The following NOS1AP variants were observed in gnomAD, a reference collection of about 807,000 sequenced individuals.
The protein encoded by NOS1AP is nitric oxide synthase 1 adaptor protein.
A neutral mutation model predicts 56.2 loss-of-function variants in NOS1AP; 21 were observed. That is an observed-to-expected ratio of 0.37 (90% CI 0.26 to 0.54). The LOEUF is 0.54. Among genes scored for constraint, NOS1AP ranks in the 20% least tolerant of loss-of-function variants. The probability of loss-of-function intolerance (pLI) is 0.84; values close to 1 mark genes in which losing one functional copy is unlikely to be tolerated. For missense variants in NOS1AP, 522 were observed against 657.8 expected, an observed-to-expected ratio of 0.79 and a Z score of 2.26; for synonymous variants, 270 against 274.6, an observed-to-expected ratio of 0.98 and a Z score of 0.17.
intron 8 of NOS1AP, among the ~76,000 whole-genome samples, chr1:162,358,409 C>G (rs1021259520): frequency 9.2e-5 from 14 of 152,142 alleles, no homozygotes; most frequent in African/African-American, 3.4e-4. Context: ...AGAGTAGAGT[C>G]AATGGGACAC....
At chr1:162,255,756 G>A (rs927020388) in intron 2 of NOS1AP, among the ~76,000 whole-genome samples, 16 of 152,106 alleles carry the variant, frequency 1.1e-4, no homozygotes, top group African/African-American at 3.9e-4. Flanking sequence ...GAGAAACGTT[G>A]GTGAGGGCAG....
chr1:162,151,358 ACATGTTCTGTAGCATGTACATGTG>A (rs916606673), intron 1 of NOS1AP, among the ~76,000 whole-genome samples: 2 of 152,262 alleles, frequency 1.3e-5, no homozygotes, highest in Admixed American at 6.5e-5. Context: ...TGTTTTGGTT[ACATGTTCTGTAGCATGTACATGTG>A]CATGTTCTGT....
At chr1:162,261,081 A>G (rs924417002) in intron 2 of NOS1AP, among the ~76,000 whole-genome samples, 1 of 139,026 alleles carries the variant, frequency 7.2e-6, no homozygotes, top group Non-Finnish European at 1.5e-5. Context: ...AATTTGTTAT[A>G]CTCCCAAAGT....
chr1:162,209,558 G>A (rs1251973424), intron 2 of NOS1AP, among the ~76,000 whole-genome samples: 1 of 152,176 alleles, frequency 6.6e-6, no homozygotes, highest in African/African-American at 2.4e-5. Flanking sequence ...GGTTTCATCT[G>A]TGAAGGAAGA....
intron 2 of NOS1AP, among the ~76,000 whole-genome samples, chr1:162,253,137 T>C (rs1653921447): frequency 6.6e-6 from 1 of 152,218 alleles, no homozygotes; most frequent in Admixed American, 6.6e-5. Flanking sequence ...AATGTCATTA[T>C]GGAGGGAGTG....
intron 4 of NOS1AP, among the ~76,000 whole-genome samples, chr1:162,320,769 G>A (rs977969719): frequency 1.3e-5 from 2 of 152,052 alleles, no homozygotes; most frequent in Non-Finnish European, 1.5e-5. Flanking sequence ...CAGGAGAATC[G>A]CTTGAACCAG....
At chr1:162,144,461 T>C (rs1254544405) in intron 1 of NOS1AP, among the ~76,000 whole-genome samples, 3 of 152,252 alleles carry the variant, frequency 2.0e-5, no homozygotes, top group Non-Finnish European at 4.4e-5. Context: ...GGTTTTCTGG[T>C]GTTCTTTGTT....
intron 4 of NOS1AP, among the ~76,000 whole-genome samples, chr1:162,300,996 A>G (rs568657079): frequency 4.6e-5 from 7 of 152,298 alleles, no homozygotes; most frequent in South Asian, 2.1e-4. Flanking sequence ...TGTTGTCCCA[A>G]TTGAAATTCT....
chr1:162,290,433 A>T (rs1655251384), intron 3 of NOS1AP, among the ~76,000 whole-genome samples: 1 of 152,258 alleles, frequency 6.6e-6, no homozygotes, highest in African/African-American at 2.4e-5. Context: ...CTACCACCAC[A>T]CTCAGACACA....
chr1:162,202,631 G>C (rs568063265), intron 2 of NOS1AP, among the ~76,000 whole-genome samples: 2 of 152,014 alleles, frequency 1.3e-5, no homozygotes, highest in African/African-American at 4.8e-5. Context: ...AAATTTTTGC[G>C]TGTGTTTCAG....
intron 6 of NOS1AP, among the ~76,000 whole-genome samples, chr1:162,354,071 T>G (rs75363819): frequency 0.02 from 2,977 of 152,352 alleles, 94 homozygotes; most frequent in African/African-American, 0.068. Flanking sequence ...ATGCCAGGCT[T>G]GTTTCCCTTG....
rs1412833148 is a variant in NOS1AP at position 162,369,235 on chromosome 1, A to C, written c.*1768A>C. On this transcript the variant is annotated 3_prime_UTR_variant, in exon 10 of 10. Coordinates refer to ENST00000361897, the MANE Select transcript of NOS1AP (RefSeq NM_014697.3). ...TGTTTTCTAACATGCATTTAGTTGG[A>C]GAGGCATGGTTCTGTTTGTTTTGTT... is the stretch of plus-strand genomic sequence containing the variant. 6.6e-6 allele frequency: 1 copy of C among 152,230 alleles called. No individual in the cohort carries two copies. The highest frequency in any genetic ancestry group is 1.5e-5 in the Non-Finnish European group (1 of 68,052). 9.4% of individuals were successfully genotyped at this position (152,230 alleles called of 1,614,324 possible).
chr1:162,108,676 G>T (rs1647600480), intron 1 of NOS1AP, among the ~76,000 whole-genome samples: 1 of 151,912 alleles, frequency 6.6e-6, no homozygotes, highest in African/African-American at 2.4e-5. Context: ...TTGCCAAAAA[G>T]ATTGCCTAAT....
At chr1:162,251,255 C>T (rs1571161498) in intron 2 of NOS1AP, among the ~76,000 whole-genome samples, 3 of 152,146 alleles carry the variant, frequency 2.0e-5, no homozygotes, top group Admixed American at 2.0e-4. Flanking sequence ...ATCCTGCTCT[C>T]CCACTAGGCC....
intron 3 of NOS1AP, among the ~76,000 whole-genome samples, chr1:162,297,097 T>C (rs561666267): frequency 6.6e-6 from 1 of 152,208 alleles, no homozygotes; most frequent in Non-Finnish European, 1.5e-5. Flanking sequence ...ATTAGCACAG[T>C]TGGCTTCCTC....
intron 1 of NOS1AP, among the ~76,000 whole-genome samples, chr1:162,071,098 G>T (rs1375655830): frequency 6.6e-6 from 1 of 152,022 alleles, no homozygotes; most frequent in African/African-American, 2.4e-5. Flanking sequence ...CTGCAGTGGC[G>T]GTTCCCACTG....
intron 1 of NOS1AP, 90 bp downstream of exon 1, chr1:162,070,372 A>G: frequency 8.8e-7 from 1 of 1,137,696 alleles, no homozygotes. Context: ...CTGGACCCAG[A>G]GCTGGCGGGC....
chr1:162,298,956 G>A (rs995247369), intron 3 of NOS1AP, among the ~76,000 whole-genome samples: 1 of 152,224 alleles, frequency 6.6e-6, no homozygotes, highest in African/African-American at 2.4e-5. Context: ...TAAATTAAAA[G>A]TGCAGGTAGA....
intron 4 of NOS1AP, among the ~76,000 whole-genome samples, chr1:162,331,246 T>G (rs1348045059): frequency 6.6e-6 from 1 of 152,144 alleles, no homozygotes; most frequent in Non-Finnish European, 1.5e-5. Context: ...ACATGTGAGA[T>G]GTACTGAAAT....
Sources: allele counts gnomAD v4.1 joint callset (sites outside exome capture counted in the v4.1 genomes callset), GRCh38; gene constraint gnomAD v4.1.1; transcripts MANE v1.5; gene names NCBI Gene and HGNC (gene_info 2026-07-23, HGNC 2026-07-21).